Variants in GNG7 observed in about 807,000 individuals in gnomAD.
GNG7 encodes the protein guanine nucleotide-binding protein G(I)/G(S)/G(O) subunit gamma-7.
Under a neutral mutation model 4.0 loss-of-function variants are expected in GNG7, and 1 was observed. The observed-to-expected ratio is 0.25, with a 90% CI of 0.09 to 1.18. GNG7 has a LOEUF of 1.18. GNG7 is among the 50% of genes most tolerant of loss of function. The pLI, the probability that GNG7 is intolerant of heterozygous loss-of-function variation, is 0.50. For synonymous variants in GNG7, 34 were observed against 36.9 expected, an observed-to-expected ratio of 0.92 and a Z score of 0.29; for missense variants, 86 against 91.9, an observed-to-expected ratio of 0.94 and a Z score of 0.26.
intron 2 of GNG7, among the ~76,000 whole-genome samples, chr19:2,598,588 C>T (rs1376446684): frequency 6.6e-6 from 1 of 151,586 alleles, no homozygotes; most frequent in Non-Finnish European, 1.5e-5. Flanking sequence ...ACCCAGGAGG[C>T]AGAGCTTGCA....
At position 2,643,065 on chromosome 19, in the gene GNG7, C is replaced by A. The variant is rs1411137035; in HGVS notation, c.-78+3159G>T. The stretch of plus-strand genomic sequence containing the variant: ...ATGCAAAGTCTGAGCCCTCTCCGGG[C>A]TCTGCACACCTTTCCGCCTTGCGCC... On this transcript the variant is annotated intron_variant, in intron 2 of 4. Transcript: ENST00000382159. 6 of 453,608 alleles carry A rather than the reference C, an allele frequency of 1.3e-5. No homozygotes were observed. In the East Asian group the frequency reaches 3.5e-4, roughly 27 times the overall value. 28.1% of individuals were successfully genotyped at this position (453,608 alleles called of 1,614,324 possible).
chr19:2,593,398 T>C (rs1476129041), intron 2 of GNG7, among the ~76,000 whole-genome samples: 3 of 152,170 alleles, frequency 2.0e-5, no homozygotes, highest in South Asian at 2.1e-4. Context: ...TTTTTTAAAA[T>C]ATTCGTTCTA....
intron 3 of GNG7, among the ~76,000 whole-genome samples, chr19:2,522,677 G>A (rs1163348163): frequency 4.4e-5 from 6 of 134,928 alleles, no homozygotes; most frequent in African/African-American, 1.1e-4. Context: ...GGGTGAACCC[G>A]GAAGGCGGAG....
At chr19:2,577,938 C>G (rs1980392121) in intron 2 of GNG7, among the ~76,000 whole-genome samples, 1 of 151,528 alleles carries the variant, frequency 6.6e-6, no homozygotes, top group African/African-American at 2.4e-5. Context: ...CTCCCAGGCT[C>G]CAGATCCTCC....
chr19:2,682,655 C>CAAAAAA (rs745799326), intron 1 of GNG7, among the ~76,000 whole-genome samples: 13 of 64,320 alleles, frequency 2.0e-4, no homozygotes, highest in African/African-American at 4.4e-4. Flanking sequence ...GACTCCATCT[C>CAAAAAA]AAAAAAAAAA....
At chr19:2,651,575 CTTTTT>C in intron 1 of GNG7, among the ~76,000 whole-genome samples, 1 of 125,196 alleles carries the variant, frequency 8.0e-6, no homozygotes, top group African/African-American at 3.1e-5. Context: ...CTCTCTCTCT[CTTTTT>C]TTTTTAAGAC....
rs1257220846 is a variant in GNG7 at position 2,557,090 on chromosome 19, C to A, written c.-77-1902G>T. On this transcript the variant is annotated intron_variant, in intron 2 of 4. Transcript: ENST00000382159. This position sits in a 1 kb window ranked among gnomAD's most constrained non-coding sequence, Gnocchi z 5.1. The stretch of plus-strand genomic sequence containing the variant: ...ACACAGACACACGCACACACGTGCA[C>A]ACAGGAATACTCAGACACACGCACA... 6.6e-6 allele frequency among the ~76,000 whole-genome samples: 1 copy of A among 151,876 alleles called. No individual in the cohort carries two copies. The highest frequency in any genetic ancestry group is 1.5e-5 in the Non-Finnish European group (1 of 67,962).
intron 2 of GNG7, among the ~76,000 whole-genome samples, chr19:2,595,499 C>T (rs1413861480): frequency 6.6e-6 from 1 of 151,722 alleles, no homozygotes; most frequent in Admixed American, 6.6e-5. Context: ...TTTGGGAGGC[C>T]GAGGCGGGTG....
At chr19:2,695,882 G>A (rs1019621691) in intron 1 of GNG7, among the ~76,000 whole-genome samples, 1 of 152,116 alleles carries the variant, frequency 6.6e-6, no homozygotes, top group Admixed American at 6.5e-5. Context: ...GAAGGGGCCG[G>A]GCATGGGGGC....
intron 2 of GNG7, among the ~76,000 whole-genome samples, chr19:2,567,691 G>A (rs2144776264): frequency 1.3e-5 from 2 of 152,206 alleles, no homozygotes; most frequent in Middle Eastern, 6.8e-3. Flanking sequence ...CGGCAGAGCT[G>A]AGTGCTGGAG....
chr19:2,599,259 A>G (rs79382348), intron 2 of GNG7, among the ~76,000 whole-genome samples: 13,610 of 151,924 alleles, frequency 0.09, 1,340 homozygotes, highest in East Asian at 0.35. Context: ...CTGACTTGGT[A>G]GATGTCTGTC....
Position 2,702,684 on chromosome 19 carries a change from C to G in GNG7, c.-173G>C, listed in dbSNP as rs1456766960. The G allele has an allele frequency of 6.6e-6, 1 of 151,186 alleles. No homozygotes were observed. The highest frequency in any genetic ancestry group is 2.4e-5 in the African/African-American group (1 of 41,308). The allele number at this position is 151,186 out of a possible 1,614,324, so 9.4% of individuals were successfully genotyped here. On this transcript the variant is annotated 5_prime_UTR_variant, in exon 1 of 5. Transcript: ENST00000382159. ...CCGCGGCCGCCTCAGCCCCGCCGCGCAGCCGAACCCTCCGCCCCGGCCCGC... is the reference window on the plus strand; with the variant it reads ...CCGCGGCCGCCTCAGCCCCGCCGCGGAGCCGAACCCTCCGCCCCGGCCCGC...
chr19:2,540,737 C>G (rs888596291), intron 3 of GNG7, among the ~76,000 whole-genome samples: 1 of 152,198 alleles, frequency 6.6e-6, no homozygotes, highest in African/African-American at 2.4e-5. Context: ...CTTCCCTCCT[C>G]CCGGGGAGAC....
chr19:2,524,387 C>T (rs1373193427), intron 3 of GNG7, among the ~76,000 whole-genome samples: 1 of 152,226 alleles, frequency 6.6e-6, no homozygotes, highest in Non-Finnish European at 1.5e-5. Context: ...TGTGACTGTA[C>T]ACGTGTGTAC....
chr19:2,578,527 G>C (rs150683367), intron 2 of GNG7, among the ~76,000 whole-genome samples: 51 of 152,338 alleles, frequency 3.3e-4, no homozygotes, highest in Non-Finnish European at 5.9e-4. Flanking sequence ...AGGAATTCAC[G>C]AGCAACGCCC....
At chr19:2,578,078 T>C (rs1980396343) in intron 2 of GNG7, among the ~76,000 whole-genome samples, 1 of 152,046 alleles carries the variant, frequency 6.6e-6, no homozygotes, top group Non-Finnish European at 1.5e-5. Flanking sequence ...GCTCAAGTGA[T>C]CCTCCCACCT....
At chr19:2,682,569 A>T (rs1359162018) in intron 1 of GNG7, among the ~76,000 whole-genome samples, 1 of 149,184 alleles carries the variant, frequency 6.7e-6, no homozygotes, top group African/African-American at 2.5e-5. Context: ...AGGCTGAGGC[A>T]GGAGAATCAC....
intron 1 of GNG7, among the ~76,000 whole-genome samples, chr19:2,701,872 GC>G (rs113114562): frequency 0.3 from 38,312 of 127,708 alleles, 7,415 homozygotes; most frequent in African/African-American, 0.58. Flanking sequence ...TCCACTTCCA[GC>G]CCCCTCCCCA....
chr19:2,638,933 G>A (rs1982407562), intron 2 of GNG7, among the ~76,000 whole-genome samples: 1 of 152,182 alleles, frequency 6.6e-6, no homozygotes, highest in African/African-American at 2.4e-5. Context: ...AGATGCTCAT[G>A]TATAACAAAC....
Sources: allele counts gnomAD v4.1 joint callset (sites outside exome capture counted in the v4.1 genomes callset), GRCh38; gene constraint gnomAD v4.1.1; non-coding constraint Gnocchi (gnomAD v3.1); transcripts MANE v1.5; gene names NCBI Gene and HGNC (gene_info 2026-07-23, HGNC 2026-07-21).